SLC16A10: variants seen among roughly 807,000 people sequenced by gnomAD.
The protein encoded by SLC16A10 is solute carrier family 16 member 10.
In SLC16A10, 27 loss-of-function variants were observed where a neutral mutation model predicts 40.0. That is an observed-to-expected ratio of 0.67 (90% CI 0.50 to 0.93). The LOEUF (loss-of-function observed/expected upper bound fraction) is 0.93. SLC16A10 is among the 40% of genes least tolerant of loss of function. SLC16A10 has a pLI of 0.00. For missense variants in SLC16A10, 529 were observed against 658.2 expected (o/e 0.80, Z 2.15); for synonymous variants, 213 against 249.8 (o/e 0.85, Z 1.39).
chr6:111,206,701 A>T lies in SLC16A10; in HGVS notation c.1052A>T (p.Asp351Val). 6.2e-7 allele frequency: 1 copy of T among 1,614,244 alleles called. No individual in the cohort carries two copies. The highest frequency in any genetic ancestry group is 8.5e-7 in the Non-Finnish European group (1 of 1,180,054). ...VGRLLFGRIA[D>V]YVPGVKKVYL... ...CGACTGCTCTTTGGCCGGATTGCAG[A>T]TTATGTGCCTGGTGTGAAGAAGGTT... Residue 351 changes from aspartate to valine, a missense_variant, in exon 4 of 6, where the codon GAT becomes GTT. Coordinates refer to ENST00000368851, the MANE Select transcript of SLC16A10 (RefSeq NM_018593.5).
intron 3 of SLC16A10, among the ~76,000 whole-genome samples, chr6:111,203,637 G>A (rs1773207235): frequency 2.0e-5 from 3 of 151,754 alleles, no homozygotes; most frequent in Middle Eastern, 3.4e-3. Context: ...GAGGAGAATC[G>A]CTTGAACCAG....
rs563970502 is a variant in SLC16A10, at chr6:111,138,305, G to A, written c.344-34390G>A. On this transcript the variant is annotated intron_variant, in intron 1 of 5. Coordinates refer to ENST00000368851, the MANE Select transcript of SLC16A10 (RefSeq NM_018593.5). The stretch of plus-strand genomic sequence containing the variant: ...ATGTGTTTTAGGCAGAGAGATACAA[G>A]ATAAAGAACTAAAACTAGAATCTGG... Among the ~76,000 whole-genome samples, 5 of 152,326 alleles carry A rather than the reference G, an allele frequency of 3.3e-5. No individual in the cohort carries two copies. The South Asian group carries it at 1.0e-3, about 32-fold the overall frequency.
At chr6:111,146,466 C>T (rs1436429950) in intron 1 of SLC16A10, among the ~76,000 whole-genome samples, 3 of 152,120 alleles carry the variant, frequency 2.0e-5, no homozygotes, top group African/African-American at 7.2e-5. Context: ...ACAGGCCGGG[C>T]GCGGTGGCTC....
chr6:111,119,414 G>A (rs918114324), intron 1 of SLC16A10, among the ~76,000 whole-genome samples: 14 of 152,146 alleles, frequency 9.2e-5, no homozygotes, highest in African/African-American at 2.4e-4. Context: ...TTTGTTAGAC[G>A]CTAACATTGG....
rs1771180510 is a variant in SLC16A10, at chr6:111,101,116, G to A, written c.343+13021G>A. Among the ~76,000 whole-genome samples, 3 of 149,820 alleles carry A rather than the reference G, an allele frequency of 2.0e-5. No homozygotes were observed. The Admixed American group carries it at 2.0e-4, about 10-fold the overall frequency. On this transcript the variant is annotated intron_variant, in intron 1 of 5. Coordinates refer to ENST00000368851, the MANE Select transcript of SLC16A10 (RefSeq NM_018593.5). ...TGGGATCATGGCTCACTGCAGCCTC[G>A]ACCTCCTGGGCTCAAGTGATCCTCC... is the stretch of plus-strand genomic sequence containing the variant.
At chr6:111,111,458 C>T (rs909679988) in intron 1 of SLC16A10, among the ~76,000 whole-genome samples, 1 of 152,020 alleles carries the variant, frequency 6.6e-6, no homozygotes, top group African/African-American at 2.4e-5. Context: ...TGGTGGCTCA[C>T]GCCTGTAATC....
chr6:111,145,314 T>C (rs1772056787), intron 1 of SLC16A10, among the ~76,000 whole-genome samples: 1 of 152,052 alleles, frequency 6.6e-6, no homozygotes, highest in Admixed American at 6.5e-5. Context: ...AGCTGGAGGA[T>C]CACTTGAGCC....
chr6:111,177,041 C>T (rs1207641276), intron 2 of SLC16A10, among the ~76,000 whole-genome samples, 171 bp from the exon 3 acceptor site: 1 of 151,372 alleles, frequency 6.6e-6, no homozygotes, highest in Non-Finnish European at 1.5e-5. Context: ...ACATGCTTGA[C>T]TTACTGAGTT....
chr6:111,156,571 C>A (rs1273241793), intron 1 of SLC16A10, among the ~76,000 whole-genome samples: 1 of 152,156 alleles, frequency 6.6e-6, no homozygotes, highest in Non-Finnish European at 1.5e-5. Context: ...TACTTAATTC[C>A]TGAAAAGTAC....
chr6:111,192,986 CTAA>C (rs1419861888), intron 3 of SLC16A10, among the ~76,000 whole-genome samples: 2 of 152,186 alleles, frequency 1.3e-5, no homozygotes, highest in African/African-American at 4.8e-5. Context: ...CTTATCTCTT[CTAA>C]TAATACACTT....
intron 1 of SLC16A10, among the ~76,000 whole-genome samples, chr6:111,171,677 ATGG>A (rs1422455670): frequency 6.6e-6 from 1 of 152,112 alleles, no homozygotes; most frequent in Non-Finnish European, 1.5e-5. Context: ...TTAGCCAGGC[ATGG>A]TGGTGCACAC....
chr6:111,213,127 T>A (rs1181010266), intron 4 of SLC16A10, among the ~76,000 whole-genome samples: 1 of 152,196 alleles, frequency 6.6e-6, no homozygotes, highest in Non-Finnish European at 1.5e-5. Context: ...GGAATTTAGA[T>A]CACTTTTCCA....
chr6:111,100,386 A>G (rs1037361034), intron 1 of SLC16A10, among the ~76,000 whole-genome samples: 2 of 152,042 alleles, frequency 1.3e-5, no homozygotes, highest in African/African-American at 4.8e-5. Context: ...GATTTGGTTT[A>G]TCTACAGTTG....
At chr6:111,183,355 C>A (rs1380423143) in intron 3 of SLC16A10, among the ~76,000 whole-genome samples, 2 of 152,112 alleles carry the variant, frequency 1.3e-5, no homozygotes, top group East Asian at 1.9e-4. Context: ...TTATTGTAGT[C>A]ATTGCTTACT....
chr6:111,183,214 G>A (rs143329962), intron 3 of SLC16A10, among the ~76,000 whole-genome samples: 31 of 152,218 alleles, frequency 2.0e-4, no homozygotes, highest in Non-Finnish European at 3.8e-4. Context: ...GCCTTTTAAT[G>A]GGGCTCACTC....
chr6:111,181,234 AG>A (rs1240982798), intron 3 of SLC16A10, among the ~76,000 whole-genome samples: 1 of 150,226 alleles, frequency 6.7e-6, no homozygotes, highest in Admixed American at 6.6e-5. Context: ...AAAAAAAAAA[AG>A]TTCTGAAGTA....
At chr6:111,187,261 T>C (rs1772913536) in intron 3 of SLC16A10, among the ~76,000 whole-genome samples, 1 of 152,206 alleles carries the variant, frequency 6.6e-6, no homozygotes, top group South Asian at 2.1e-4. Flanking sequence ...AAATGGGCAA[T>C]ATCAGGGCTT....
chr6:111,188,337 GC>G (rs1427355726), intron 3 of SLC16A10, among the ~76,000 whole-genome samples: 5 of 145,234 alleles, frequency 3.4e-5, no homozygotes, highest in Admixed American at 7.0e-5. Context: ...TCTTAACTAT[GC>G]AGAATGCTTT....
chr6:111,103,305 C>T (rs1272045610), intron 1 of SLC16A10, among the ~76,000 whole-genome samples: 2 of 152,120 alleles, frequency 1.3e-5, no homozygotes, highest in African/African-American at 4.8e-5. Context: ...GCCACTTCCA[C>T]CTCCTGGGTT....
Sources: gnomAD v4.1 joint callset for allele counts (sites outside exome capture counted in the v4.1 genomes callset) on GRCh38, gnomAD v4.1.1 for gene constraint, MANE v1.5 for transcripts, NCBI Gene and HGNC (gene_info 2026-07-23, HGNC 2026-07-21) for gene names.